Variants in GOLGA7B observed in about 807,000 individuals in gnomAD.
GOLGA7B encodes golgin subfamily A member 7B.
Under a neutral mutation model 21.5 loss-of-function variants are expected in GOLGA7B, and 17 were observed. The ratio of observed to expected loss-of-function variants is 0.79; its 90% confidence interval spans 0.54 to 1.19. The LOEUF (loss-of-function observed/expected upper bound fraction) is 1.19, where lower values mean the gene tolerates loss of function less well. GOLGA7B is among the 50% of genes most tolerant of loss of function. GOLGA7B has a pLI of 0.00. For synonymous variants in GOLGA7B, 87 were observed against 84.0 expected, an observed-to-expected ratio of 1.04 and a Z score of -0.19; for missense variants, 169 against 224.4, an observed-to-expected ratio of 0.75 and a Z score of 1.58.
intron 1 of GOLGA7B, among the ~76,000 whole-genome samples, chr10:97,855,120 T>C (rs1275888384): frequency 1.3e-5 from 2 of 152,198 alleles, no homozygotes; most frequent in Non-Finnish European, 2.9e-5. Flanking sequence ...CTTGGGTCAG[T>C]AGCTAGCCAG....
chr10:97,863,162 C>T (rs1004370579), intron 2 of GOLGA7B, among the ~76,000 whole-genome samples: 3 of 152,120 alleles, frequency 2.0e-5, no homozygotes, highest in South Asian at 4.2e-4. Flanking sequence ...GGGCCAGAGA[C>T]GGTGGCAGCT....
At chr10:97,863,198 G>A (rs1380227518) in intron 2 of GOLGA7B, among the ~76,000 whole-genome samples, 1 of 152,154 alleles carries the variant, frequency 6.6e-6, no homozygotes, top group Non-Finnish European at 1.5e-5. Flanking sequence ...TTCGTGGTCC[G>A]CGTGGTCTTA....
intron 1 of GOLGA7B, among the ~76,000 whole-genome samples, chr10:97,856,227 C>A (rs1233992667): frequency 6.6e-6 from 1 of 152,124 alleles, no homozygotes; most frequent in Non-Finnish European, 1.5e-5. Context: ...ACCCTCACCC[C>A]CTCCCCTCTT....
chr10:97,850,315 G>A lies in GOLGA7B; in HGVS notation c.12G>A (p.Glu4=). The part of the protein sequence containing the change: MAT[E]VHNLQELRRS... ...AGCGCCCCCGGATCATGGCCACCGA[G>A]GTAGGGGCGAGCGCCCCACCCGCAG... The change falls in exon 1 of 5, where the codon GAG becomes GAA. Residue 4 remains glutamate, a splice_region_variant and synonymous_variant. Coordinates refer to ENST00000370602, the MANE Select transcript of GOLGA7B (RefSeq NM_001010917.3). 6.6e-7 allele frequency: 1 copy of A among 1,519,668 alleles called. No homozygotes were observed. The highest frequency in any genetic ancestry group is 8.8e-7 in the Non-Finnish European group (1 of 1,135,632). 94.1% of individuals were successfully genotyped at this position (1,519,668 alleles called of 1,614,324 possible). A position where few individuals can be genotyped will look rare whatever the true frequency, so the allele number is the denominator to read the frequency against.
chr10:97,857,859 T>C (rs1429404180), intron 1 of GOLGA7B, among the ~76,000 whole-genome samples: 1 of 152,204 alleles, frequency 6.6e-6, no homozygotes, highest in African/African-American at 2.4e-5. Context: ...AACATACCTA[T>C]AACCAACTGA....
rs2050007406 is a variant in GOLGA7B, at chr10:97,865,375, A to T, written c.394-215A>T. The T allele has an allele frequency of 4.0e-6, 3 of 751,524 alleles. No individual in the cohort carries two copies. In the South Asian group the frequency reaches 7.3e-5, roughly 18 times the overall value. 46.6% of individuals were successfully genotyped at this position (751,524 alleles called of 1,614,324 possible). On this transcript the variant is annotated intron_variant, in intron 4 of 4. Transcript: ENST00000370602. Reference sequence around the variant, plus strand: ...CTGTGATCACAGCTATGTGCCCAGCACAGGGCCTGGCCTTACGAGTCTCCC... The same window carrying T: ...CTGTGATCACAGCTATGTGCCCAGCTCAGGGCCTGGCCTTACGAGTCTCCC...
intron 1 of GOLGA7B, among the ~76,000 whole-genome samples, chr10:97,853,507 C>T (rs1318182105): frequency 6.6e-6 from 1 of 152,198 alleles, no homozygotes; most frequent in East Asian, 1.9e-4. Context: ...GACTCCCCCT[C>T]CTTCTCATAC....
At chr10:97,862,828 G>C (rs975740745) in intron 2 of GOLGA7B, among the ~76,000 whole-genome samples, 1 of 152,042 alleles carries the variant, frequency 6.6e-6, no homozygotes, top group Non-Finnish European at 1.5e-5. Flanking sequence ...CTGGGCACAG[G>C]GGGAGGCTGT....
chr10:97,850,217 A>ACCGCCGCCG lies in GOLGA7B; in HGVS notation c.-84_-76dup. 1 of 900,112 alleles carries ACCGCCGCCG rather than the reference A, an allele frequency of 1.1e-6. No homozygotes were observed. Among genetic ancestry groups the ACCGCCGCCG allele is most frequent in the South Asian group, 2.1e-5 (1 of 46,968 alleles). 55.8% of individuals were successfully genotyped at this position (900,112 alleles called of 1,614,324 possible). On this transcript the variant is annotated 5_prime_UTR_variant, in exon 1 of 5. Coordinates refer to ENST00000370602, the MANE Select transcript of GOLGA7B (RefSeq NM_001010917.3). ...GCGCCCCGGGCCCCAGCTCGCCGCCACCGCCGCCGCCCACCTGCTCCCGGG... is the reference window on the plus strand; with the variant it reads ...GCGCCCCGGGCCCCAGCTCGCCGCCACCGCCGCCGCCGCCGCCGCCCACCTGCTCCCGGG...
intron 1 of GOLGA7B, among the ~76,000 whole-genome samples, chr10:97,850,612 T>C (rs776016097): frequency 1.4e-4 from 21 of 152,286 alleles, no homozygotes; most frequent in Non-Finnish European, 2.4e-4. Context: ...TCACAAGTCC[T>C]GAAACCGCTT....
rs1364996987 is a variant in GOLGA7B at position 97,870,670 on chromosome 10, C to A, written c.*4970C>A. 3 of 152,148 alleles carry A rather than the reference C, an allele frequency of 2.0e-5. No individual in the cohort carries two copies. Among genetic ancestry groups the A allele is most frequent in the African/African-American group, 7.2e-5 (3 of 41,422 alleles). 9.4% of individuals were successfully genotyped at this position (152,148 alleles called of 1,614,324 possible). The stretch of plus-strand genomic sequence containing the variant: ...AAAGAAAGGACACACTTGAAATTAA[C>A]GTTTTGTTAAATATCTGGAAATGTA... On this transcript the variant is annotated 3_prime_UTR_variant, in exon 5 of 5. Coordinates refer to ENST00000370602, the MANE Select transcript of GOLGA7B (RefSeq NM_001010917.3).
intron 1 of GOLGA7B, among the ~76,000 whole-genome samples, chr10:97,856,732 A>G (rs1590159660): frequency 6.6e-6 from 1 of 152,288 alleles, no homozygotes; most frequent in African/African-American, 2.4e-5. Context: ...TGTTCTCTGC[A>G]TCTATGCCAG....
At position 97,859,592 on chromosome 10, in the gene GOLGA7B, G is replaced by A. The variant is rs748106884; in HGVS notation, c.138+9G>A. ...CAGAGCTGGACAGCCGGGTAAGGATGCCTTTTTCTGCACTTGGAACCCAGG... is the reference window on the plus strand; with the variant it reads ...CAGAGCTGGACAGCCGGGTAAGGATACCTTTTTCTGCACTTGGAACCCAGG... On this transcript the variant is annotated intron_variant, in intron 2 of 4. Coordinates refer to ENST00000370602, the MANE Select transcript of GOLGA7B (RefSeq NM_001010917.3). The A allele has an allele frequency of 6.2e-6, 10 of 1,613,220 alleles. No homozygotes were observed. The Admixed American group carries it at 1.5e-4, about 24-fold the overall frequency.
At chr10:97,851,825 T>C (rs2049907492) in intron 1 of GOLGA7B, among the ~76,000 whole-genome samples, 1 of 152,240 alleles carries the variant, frequency 6.6e-6, no homozygotes, top group Non-Finnish European at 1.5e-5. Flanking sequence ...ACCAGCAGGC[T>C]TCTATCTCTA....
At chr10:97,863,318 G>A (rs1402924097) in intron 2 of GOLGA7B, among the ~76,000 whole-genome samples, 1 of 152,170 alleles carries the variant, frequency 6.6e-6, no homozygotes, top group South Asian at 2.1e-4. Flanking sequence ...CACAGAAAGT[G>A]CTTAATACAT....
intron 2 of GOLGA7B, among the ~76,000 whole-genome samples, chr10:97,860,505 C>T (rs1028010836): frequency 3.3e-5 from 5 of 152,162 alleles, no homozygotes; most frequent in African/African-American, 1.2e-4. Flanking sequence ...GTTCGTGCCA[C>T]TACTCCTGGC....
chr10:97,853,229 C>T (rs959089369), intron 1 of GOLGA7B, among the ~76,000 whole-genome samples: 1 of 152,174 alleles, frequency 6.6e-6, no homozygotes, highest in Non-Finnish European at 1.5e-5. Flanking sequence ...GACTCATGAT[C>T]CTCACTCCTC....
intron 4 of GOLGA7B, 86 bp downstream of exon 4, chr10:97,864,355 C>T: frequency 1.9e-6 from 2 of 1,058,884 alleles, no homozygotes; most frequent in Non-Finnish European, 1.4e-6. Flanking sequence ...ACGAGGCCAC[C>T]TTAGGGGCCT....
chr10:97,865,354 G>A, intron 4 of GOLGA7B: 2 of 604,840 alleles, frequency 3.3e-6, no homozygotes, highest in Non-Finnish European at 5.3e-6. Flanking sequence ...TGTCTGCTGT[G>A]ATCACAGCTA....
Sources: gnomAD v4.1 joint callset for allele counts (sites outside exome capture counted in the v4.1 genomes callset) on GRCh38, gnomAD v4.1.1 for gene constraint, MANE v1.5 for transcripts, NCBI Gene and HGNC (gene_info 2026-07-23, HGNC 2026-07-21) for gene names.